The following ENAH variants were observed in gnomAD, a reference collection of about 807,000 sequenced individuals.
The protein encoded by ENAH is ENAH actin regulator.
Under a neutral mutation model 78.7 loss-of-function variants are expected in ENAH, and 23 were observed. That is an observed-to-expected ratio of 0.29 (90% CI 0.21 to 0.41). ENAH has a LOEUF of 0.41. Ranked by LOEUF, ENAH falls within the 10% of genes least tolerant of loss-of-function variation. ENAH has a pLI of 1.00. For synonymous variants in ENAH, 226 were observed against 241.0 expected, an observed-to-expected ratio of 0.94 and a Z score of 0.58; for missense variants, 544 against 691.0, an observed-to-expected ratio of 0.79 and a Z score of 2.39.
At chr1:225,523,869 C>T (rs1426264887) in intron 4 of ENAH, among the ~76,000 whole-genome samples, 1 of 152,208 alleles carries the variant, frequency 6.6e-6, no homozygotes, top group Non-Finnish European at 1.5e-5. Flanking sequence ...CATGGCTCCT[C>T]TTCCTAGAGT....
At chr1:225,649,353 G>C (rs940584345) in intron 1 of ENAH, among the ~76,000 whole-genome samples, 1 of 151,230 alleles carries the variant, frequency 6.6e-6, no homozygotes, top group Non-Finnish European at 1.5e-5. Context: ...TTAGCCACCA[G>C]GCTACATGCA....
At chr1:225,585,494 A>T (rs1410093176) in intron 1 of ENAH, among the ~76,000 whole-genome samples, 2 of 152,140 alleles carry the variant, frequency 1.3e-5, no homozygotes, top group Non-Finnish European at 2.9e-5. Context: ...ATAAAAAAAA[A>T]TTGAATAAAT....
chr1:225,569,578 T>A (rs1007673705), intron 1 of ENAH, among the ~76,000 whole-genome samples: 7 of 152,184 alleles, frequency 4.6e-5, no homozygotes, highest in Non-Finnish European at 1.0e-4. Flanking sequence ...TCAAAAAAAT[T>A]TTTTTCTTTT....
At chr1:225,555,139 G>T in intron 2 of ENAH, 56 bp from the exon 3 acceptor site, 1 of 1,396,734 alleles carries the variant, frequency 7.2e-7, no homozygotes, top group South Asian at 1.6e-5. Flanking sequence ...AATCAAGGAT[G>T]TCAACAAATG....
chr1:225,584,801 A>G (rs2096837188), intron 1 of ENAH, among the ~76,000 whole-genome samples: 1 of 152,256 alleles, frequency 6.6e-6, no homozygotes, highest in South Asian at 2.1e-4. Flanking sequence ...ATCAGAATTG[A>G]CACATTAGTA....
chr1:225,643,748 C>A (rs973226346), intron 1 of ENAH, among the ~76,000 whole-genome samples: 3 of 151,990 alleles, frequency 2.0e-5, no homozygotes, highest in African/African-American at 7.2e-5. Flanking sequence ...CCAGCCTGGG[C>A]AACATAGCGA....
intron 2 of ENAH, among the ~76,000 whole-genome samples, chr1:225,566,234 T>C (rs1313174576): frequency 6.6e-6 from 1 of 152,072 alleles, no homozygotes; most frequent in Non-Finnish European, 1.5e-5. Context: ...GTGTAGCCCC[T>C]CTAAGATTGC....
intron 1 of ENAH, among the ~76,000 whole-genome samples, chr1:225,577,913 G>A (rs1452125429): frequency 6.6e-6 from 1 of 151,984 alleles, no homozygotes; most frequent in Non-Finnish European, 1.5e-5. Context: ...ATCTTTTTAG[G>A]GAGTAATCTT....
rs989564236 is a variant in ENAH, at chr1:225,494,250, G to C, written c.*3525C>G. 1 of 151,766 alleles carries C rather than the reference G, an allele frequency of 6.6e-6. No individual in the cohort carries two copies. Among genetic ancestry groups the C allele is most frequent in the Non-Finnish European group, 1.5e-5 (1 of 67,912 alleles). The allele number at this position is 151,766 out of a possible 1,614,324, so 9.4% of individuals were successfully genotyped here. On this transcript the variant is annotated 3_prime_UTR_variant, in exon 14 of 14. Transcript: ENST00000366843. ...ATTGTATTTTTGTATTTCTAATGAA[G>C]ACATCAGAATTATAAAATGGAACTC...
intron 2 of ENAH, among the ~76,000 whole-genome samples, chr1:225,561,074 A>T (rs2096702324): frequency 1.3e-5 from 2 of 151,650 alleles, no homozygotes; most frequent in Non-Finnish European, 2.9e-5. Context: ...TCTCTACTGA[A>T]AATACAAAAA....
intron 1 of ENAH, among the ~76,000 whole-genome samples, chr1:225,612,765 T>C (rs2096997965): frequency 6.6e-6 from 1 of 151,978 alleles, no homozygotes; most frequent in South Asian, 2.1e-4. Flanking sequence ...GTTTATATTT[T>C]GCCTTCTGAG....
At chr1:225,570,668 A>T (rs2096757128) in intron 1 of ENAH, among the ~76,000 whole-genome samples, 5 of 152,134 alleles carry the variant, frequency 3.3e-5, no homozygotes, top group South Asian at 4.2e-4. Context: ...CTCTAGATTA[A>T]GAATATGGGC....
chr1:225,587,708 A>C (rs1198404585), intron 1 of ENAH, among the ~76,000 whole-genome samples: 1 of 152,164 alleles, frequency 6.6e-6, no homozygotes, highest in Non-Finnish European at 1.5e-5. Flanking sequence ...ACAACAACAA[A>C]AAAAGAATAA....
chr1:225,638,389 G>A (rs1660436303), intron 1 of ENAH, among the ~76,000 whole-genome samples: 1 of 152,004 alleles, frequency 6.6e-6, no homozygotes, highest in Admixed American at 6.6e-5. Flanking sequence ...GAACTCTTGG[G>A]CTCAACTGAT....
intron 3 of ENAH, chr1:225,535,605 G>A (rs758428359): frequency 3.5e-5 from 41 of 1,182,790 alleles, no homozygotes; most frequent in Non-Finnish European, 3.7e-5. Context: ...GAAGGACAAC[G>A]GGGCCATCTG....
intron 1 of ENAH, among the ~76,000 whole-genome samples, chr1:225,578,696 C>T (rs564085160): frequency 6.6e-6 from 1 of 152,102 alleles, no homozygotes; most frequent in Non-Finnish European, 1.5e-5. Context: ...TTAAAACCAA[C>T]AGTTTCAGAA....
At chr1:225,517,501 T>C (rs750387231) in intron 5 of ENAH, 195 bp from the exon 6 acceptor site, 19 of 1,551,512 alleles carry the variant, frequency 1.2e-5, no homozygotes, top group Middle Eastern at 1.7e-4. Context: ...AACCAGCCCA[T>C]TGGGTGCTGT....
intron 1 of ENAH, among the ~76,000 whole-genome samples, chr1:225,613,465 T>C (rs775950907): frequency 1.1e-4 from 17 of 152,184 alleles, no homozygotes; most frequent in Non-Finnish European, 1.8e-4. Context: ...AGATAATAAA[T>C]ATTTGTTGAT....
rs1242382350 is a variant in ENAH at position 225,491,778 on chromosome 1, C to A, written c.*5997G>T. The A allele has an allele frequency of 6.6e-6, 1 of 152,170 alleles. No homozygotes were observed. The highest frequency in any genetic ancestry group is 2.4e-5 in the African/African-American group (1 of 41,452). 9.4% of individuals were successfully genotyped at this position (152,170 alleles called of 1,614,324 possible). On this transcript the variant is annotated 3_prime_UTR_variant, in exon 14 of 14. Transcript: ENST00000366843. ...TATGGAATTCAAAGTACCAACTATT[C>A]AATTCTCGATTTTCTAAGCCTTCTT...
Sources: allele counts gnomAD v4.1 joint callset (sites outside exome capture counted in the v4.1 genomes callset), GRCh38; gene constraint gnomAD v4.1.1; transcripts MANE v1.5; gene names NCBI Gene and HGNC (gene_info 2026-07-23, HGNC 2026-07-21).